The following RAD9B variants were observed in gnomAD, a reference collection of about 807,000 sequenced individuals.
RAD9B encodes the protein RAD9 checkpoint clamp component B.
In RAD9B, 41 loss-of-function variants were observed where a neutral mutation model predicts 48.3. The ratio of observed to expected loss-of-function variants is 0.85; its 90% confidence interval spans 0.66 to 1.10. The LOEUF (loss-of-function observed/expected upper bound fraction) is 1.10, where lower values mean the gene tolerates loss of function less well. Among genes scored for constraint, RAD9B ranks in the 50% least tolerant of loss-of-function variants. The probability of loss-of-function intolerance (pLI) is 0.00; values close to 1 mark genes in which losing one functional copy is unlikely to be tolerated. For synonymous variants in RAD9B, 160 were observed against 157.9 expected, an observed-to-expected ratio of 1.01 and a Z score of -0.10; for missense variants, 444 against 485.1, an observed-to-expected ratio of 0.92 and a Z score of 0.80.
In RAD9B at chr12:110,523,436, TA is replaced by T. The variant is rs1413407644; in HGVS notation, c.1125+1031del. 1.3e-5 allele frequency among the ~76,000 whole-genome samples: 2 copies of T among 152,044 alleles called. 1 individual carries two copies. Among genetic ancestry groups the T allele is most frequent in the African/African-American group, 4.8e-5 (2 of 41,406 alleles). On this transcript the variant is annotated intron_variant, in intron 10 of 10. Coordinates refer to ENST00000409300, the MANE Select transcript of RAD9B (RefSeq NM_001286535.2). ...AGTGAGACACTGTTTCTTAAAAAAATAAAAAATTCACCATATTACGCTGTAT... is the reference window on the plus strand; with the variant it reads ...AGTGAGACACTGTTTCTTAAAAAAATAAAAATTCACCATATTACGCTGTAT...
At chr12:110,511,956 C>T (rs889976302) in intron 4 of RAD9B, among the ~76,000 whole-genome samples, 1 of 151,840 alleles carries the variant, frequency 6.6e-6, no homozygotes, top group Non-Finnish European at 1.5e-5. Context: ...AAGTGATTCT[C>T]CTGCCTCAGC....
chr12:110,528,267 G>T (rs949757392), intron 10 of RAD9B, among the ~76,000 whole-genome samples: 3 of 152,174 alleles, frequency 2.0e-5, no homozygotes, highest in Non-Finnish European at 4.4e-5. Flanking sequence ...GGCTGAAATA[G>T]TTCATTTAGG....
intron 6 of RAD9B, 68 bp from the exon 7 acceptor site, chr12:110,518,608 A>T (rs1467588343): frequency 2.6e-6 from 3 of 1,171,212 alleles, no homozygotes; most frequent in Non-Finnish European, 3.6e-6. Context: ...GACCAGAAAA[A>T]TTCTTTTTTC....
At position 110,531,695 on chromosome 12, in the gene RAD9B, T is replaced by C. The variant is rs1163150224; in HGVS notation, c.*1042T>C. 2 of 1,506,536 alleles carry C rather than the reference T, an allele frequency of 1.3e-6. No homozygotes were observed. The highest frequency in any genetic ancestry group is 1.7e-4 in the Middle Eastern group (1 of 5,852). The allele number at this position is 1,506,536 out of a possible 1,614,324, so 93.3% of individuals were successfully genotyped here. A position where few individuals can be genotyped will look rare whatever the true frequency, so the allele number is the denominator to read the frequency against. Reference sequence around the variant, plus strand: ...GGAGTGGAATAAGGTGGAAGACAAATGTCTCTGTTCTTTGGCCCTTTAAGA... The same window carrying C: ...GGAGTGGAATAAGGTGGAAGACAAACGTCTCTGTTCTTTGGCCCTTTAAGA... On this transcript the variant is annotated 3_prime_UTR_variant, in exon 11 of 11. Transcript: ENST00000409300.
At position 110,505,638 on chromosome 12, in the gene RAD9B, T is replaced by G; in HGVS notation, c.139T>G (p.Ser47Ala). Residue 47 changes from serine to alanine, a missense_variant, in exon 3 of 11, where the codon TCT becomes GCT. Ser to Ala is a moderately conservative substitution (Grantham distance 99). Coordinates refer to ENST00000409300, the MANE Select transcript of RAD9B (RefSeq NM_001286535.2). ...KKGLALRCVN[S>A]SRSAYGCVLF... ...CTAGCTTGCTCTAAGATGTGTGAAT[T>G]CTTCTCGGTCAGCATATGGATGTGT... 5 of 1,560,574 alleles carry G rather than the reference T, an allele frequency of 3.2e-6. No individual in the cohort carries two copies. The highest frequency in any genetic ancestry group is 4.3e-6 in the Non-Finnish European group (5 of 1,151,330).
chr12:110,511,457 TTAAGTGAAA>T (rs1247445357), intron 4 of RAD9B: 2 of 453,730 alleles, frequency 4.4e-6, no homozygotes, highest in Non-Finnish European at 8.9e-6. Flanking sequence ...GGTCACTATG[TTAAGTGAAA>T]TAAGCCAGGC....
chr12:110,515,085 G>T lies in RAD9B; in HGVS notation c.524G>T (p.Ser175Ile). Residue 175 changes from serine to isoleucine, a missense_variant, in exon 6 of 11, where the codon AGT becomes ATT. By Grantham distance (142) the Ser-to-Ile change is moderately radical (BLOSUM62 -2). Transcript: ENST00000409300. Reference sequence around the variant, plus strand: ...GATGCCATTGTTCTTTTTACATCAAGTCAAGAGGAAGTTACTCTTGCTGTT... The same window carrying T: ...GATGCCATTGTTCTTTTTACATCAATTCAAGAGGAAGTTACTCTTGCTGTT... ...LADAIVLFTS[S>I]QEEVTLAVTP... 5 of 1,556,066 alleles carry T rather than the reference G, an allele frequency of 3.2e-6. No homozygotes were observed. Among genetic ancestry groups the T allele is most frequent in the Middle Eastern group, 1.7e-4 (1 of 5,996 alleles).
chr12:110,511,556 GAT>G lies in RAD9B; in HGVS notation c.389-1221_389-1220del, dbSNP rs528562983. ...CATGGAGGTAGAGAGTAGAATGGTA[GAT>G]ACCAGAGGCTGGTAATGGTGTGTGG... On this transcript the variant is annotated intron_variant, in intron 4 of 10. Coordinates refer to ENST00000409300, the MANE Select transcript of RAD9B (RefSeq NM_001286535.2). 111 of 434,188 alleles carry G rather than the reference GAT, an allele frequency of 2.6e-4. 1 individual carries two copies. The East Asian group carries it at 5.8e-3, about 23-fold the overall frequency. The allele number at this position is 434,188 out of a possible 1,614,324, so 26.9% of individuals were successfully genotyped here.
At chr12:110,511,883 T>C (rs1024583354) in intron 4 of RAD9B, among the ~76,000 whole-genome samples, 1 of 152,088 alleles carries the variant, frequency 6.6e-6, no homozygotes, top group African/African-American at 2.4e-5. Context: ...AGTCTCGCTC[T>C]GTTGTCAGGC....
chr12:110,509,125 C>A (rs556139145), intron 4 of RAD9B, among the ~76,000 whole-genome samples: 1 of 152,074 alleles, frequency 6.6e-6, no homozygotes, highest in African/African-American at 2.4e-5. Flanking sequence ...CCACCATGCC[C>A]GGCTAACTTT....
At chr12:110,530,131 C>T (rs1310109559) in intron 10 of RAD9B, among the ~76,000 whole-genome samples, 1 of 152,186 alleles carries the variant, frequency 6.6e-6, no homozygotes, top group Non-Finnish European at 1.5e-5. Flanking sequence ...CAAGCTCCGC[C>T]TCCCGGGTTC....
At position 110,531,331 on chromosome 12, in the gene RAD9B, T is replaced by C. The variant is rs2064130828; in HGVS notation, c.*678T>C. ...CCTCAGCCTCCCGTGCAGCTGGGAT[T>C]GCAGGTGCGTGCCACCATGCCTGGC... is the stretch of plus-strand genomic sequence containing the variant. On this transcript the variant is annotated 3_prime_UTR_variant, in exon 11 of 11. Coordinates refer to ENST00000409300, the MANE Select transcript of RAD9B (RefSeq NM_001286535.2). 2.5e-6 allele frequency: 1 copy of C among 398,334 alleles called. No individual in the cohort carries two copies. Among genetic ancestry groups the C allele is most frequent in the Non-Finnish European group, 4.3e-6 (1 of 233,398 alleles). The allele number at this position is 398,334 out of a possible 1,614,324, so 24.7% of individuals were successfully genotyped here.
At chr12:110,517,895 A>G (rs1394958144) in intron 6 of RAD9B, among the ~76,000 whole-genome samples, 7 of 151,900 alleles carry the variant, frequency 4.6e-5, no homozygotes, top group Non-Finnish European at 8.8e-5. Flanking sequence ...TTGTACTTTC[A>G]TTTAAAAATA....
Position 110,531,619 on chromosome 12 carries a change from G to T in RAD9B, c.*966G>T. The T allele has an allele frequency of 6.2e-7, 1 of 1,611,412 alleles. No homozygotes were observed. On this transcript the variant is annotated 3_prime_UTR_variant, in exon 11 of 11. Transcript: ENST00000409300. ...AATGGAAGTGATGCCAAATATTTCT[G>T]TATTATCTGACATAGAACAGTATCC...
At chr12:110,515,282 G>A in intron 6 of RAD9B, 126 bp downstream of exon 6, 1 of 580,760 alleles carries the variant, frequency 1.7e-6, no homozygotes, top group Non-Finnish European at 3.0e-6. Flanking sequence ...ATGTAGAAAG[G>A]TTGGAAAAAG....
At chr12:110,524,829 T>C (rs2063886553) in intron 10 of RAD9B, among the ~76,000 whole-genome samples, 1 of 152,044 alleles carries the variant, frequency 6.6e-6, no homozygotes. Flanking sequence ...CCCAAAATGC[T>C]GGGATTACAG....
At position 110,519,891 on chromosome 12, in the gene RAD9B, C is replaced by T; in HGVS notation, c.865C>T (p.Leu289=). The change falls in exon 9 of 11, where the codon CTG becomes TTG. Residue 289 remains leucine (L), a synonymous_variant. Transcript: ENST00000409300. Reference sequence around the variant, plus strand: ...AAGTAGAGCATCTTCACCACAGTCACTGTGTCTTTCACAGAAACGAAAAAG... The same window carrying T: ...AAGTAGAGCATCTTCACCACAGTCATTGTGTCTTTCACAGAAACGAAAAAG... The part of the protein sequence containing the change: ...EQSRASSPQS[L]CLSQKRKRSD... 6.2e-7 allele frequency: 1 copy of T among 1,612,424 alleles called. No individual in the cohort carries two copies. The highest frequency in any genetic ancestry group is 8.5e-7 in the Non-Finnish European group (1 of 1,179,448).
rs1020642398 is a variant in RAD9B, at chr12:110,508,954, C to G, written c.388+2261C>G. Among the ~76,000 whole-genome samples the G allele has an allele frequency of 3.6e-4, 54 of 151,974 alleles. 3 individuals carry two copies. The highest frequency in any genetic ancestry group is 5.9e-5 in the Non-Finnish European group (4 of 68,002). On this transcript the variant is annotated intron_variant, in intron 4 of 10. Transcript: ENST00000409300. ...GGATCACAGGAGCGTGCCACCATACCTGGCTAATTTTTTTATTTTAATTTT... is the reference window on the plus strand; with the variant it reads ...GGATCACAGGAGCGTGCCACCATACGTGGCTAATTTTTTTATTTTAATTTT...
rs780229888 is a variant in RAD9B at position 110,522,657 on chromosome 12, T to A, written c.1125+246T>A. ...GTCAGTAATTTCTAACAAAGCATAT[T>A]CAAGTAGAGGTTTGGGTCACTTGTT... On this transcript the variant is annotated intron_variant, in intron 10 of 10. Coordinates refer to ENST00000409300, the MANE Select transcript of RAD9B (RefSeq NM_001286535.2). Among the ~76,000 whole-genome samples, 8 of 152,236 alleles carry A rather than the reference T, an allele frequency of 5.3e-5. No individual in the cohort carries two copies. In the South Asian group the frequency reaches 8.3e-4, roughly 16 times the overall value.
Sources: allele counts gnomAD v4.1 joint callset (sites outside exome capture counted in the v4.1 genomes callset), GRCh38; gene constraint gnomAD v4.1.1; transcripts MANE v1.5; gene names NCBI Gene and HGNC (gene_info 2026-07-23, HGNC 2026-07-21).